Variants in DNAH14 observed in about 807,000 individuals in gnomAD.
The protein encoded by DNAH14 is axonemal beta dynein heavy chain 14.
Under a neutral mutation model 520.9 loss-of-function variants are expected in DNAH14, and 478 were observed. The ratio of observed to expected loss-of-function variants is 0.92; its 90% CI spans 0.85 to 0.99. The LOEUF is 0.99. Ranked by LOEUF, DNAH14 falls within the 50% of genes least tolerant of loss-of-function variation. The pLI is 0.00. For synonymous variants in DNAH14, 1,581 were observed against 1,757.2 expected, an observed-to-expected ratio of 0.90 and a Z score of 2.51; for missense variants, 4,831 against 5,234.5, an observed-to-expected ratio of 0.92 and a Z score of 2.38.
At chr1:225,367,699 A>T in intron 76 of DNAH14, 106 bp from the exon 77 acceptor site, 1 of 760,316 alleles carries the variant, frequency 1.3e-6, no homozygotes, top group Non-Finnish European at 2.1e-6. Flanking sequence ...GAAAATAGTT[A>T]CATTCTTGCC....
rs1211222975 is a variant in DNAH14, at chr1:225,080,577, A to T, written c.2965A>T (p.Ile989Phe). 1 of 1,552,086 alleles carries T rather than the reference A, an allele frequency of 6.4e-7. No homozygotes were observed. Among genetic ancestry groups the T allele is most frequent in the East Asian group, 2.4e-5 (1 of 40,906 alleles). Residue 989 changes from isoleucine (I) to phenylalanine (F), a missense_variant, in exon 19 of 86, where the codon ATC becomes TTC. Physicochemically the swap from Ile to Phe is conservative, Grantham distance 21. Coordinates refer to ENST00000682510, the MANE Select transcript of DNAH14 (RefSeq NM_001367479.1). ...AATTACACAGATTGTGCTTTCAGAG[A>T]TCTCTGACATTGAAGGTGACTTGAC... ...EEITQIVLSE[I>F]SDIEGDLTLR...
chr1:225,371,453 A>T (rs1265896826), intron 77 of DNAH14, among the ~76,000 whole-genome samples: 1 of 152,148 alleles, frequency 6.6e-6, no homozygotes, highest in Non-Finnish European at 1.5e-5. Context: ...ACTATCTAAA[A>T]ATAACAATGA....
chr1:225,153,812 A>G lies in DNAH14; in HGVS notation c.5259A>G (p.Lys1753=), dbSNP rs1424670751. 10 of 1,550,074 alleles carry G rather than the reference A, an allele frequency of 6.5e-6. No individual in the cohort carries two copies. Among genetic ancestry groups the G allele is most frequent in the Non-Finnish European group, 7.0e-6 (8 of 1,145,918 alleles). ...TTTTAATAATGGCTGGAACGAAGAA[A>G]CGGGAGTTTAAATGGTCAGTTGAAT... ...KIVLIMAGTK[K]REFKCDTSDS... Residue 1753 remains lysine, a synonymous_variant, in exon 34 of 86, where the codon AAA becomes AAG. Coordinates refer to ENST00000682510, the MANE Select transcript of DNAH14 (RefSeq NM_001367479.1).
At chr1:225,008,673 C>G (rs1250372110) in intron 10 of DNAH14, among the ~76,000 whole-genome samples, 1 of 146,264 alleles carries the variant, frequency 6.8e-6, no homozygotes, top group Non-Finnish European at 1.5e-5. Flanking sequence ...GATTCACCCA[C>G]CTTGGCCTCC....
At chr1:225,103,277 G>A (rs1459169175) in intron 23 of DNAH14, among the ~76,000 whole-genome samples, 1 of 152,180 alleles carries the variant, frequency 6.6e-6, no homozygotes, top group Non-Finnish European at 1.5e-5. Flanking sequence ...GTACCATGCT[G>A]TTTTGGTTAC....
At chr1:225,068,453 A>G (rs2071170161) in intron 17 of DNAH14, among the ~76,000 whole-genome samples, 1 of 152,076 alleles carries the variant, frequency 6.6e-6, no homozygotes, top group Non-Finnish European at 1.5e-5. Context: ...TTTCACTTGA[A>G]TCTTTAAATA....
At chr1:225,248,683 T>C (rs1363398525) in intron 43 of DNAH14, among the ~76,000 whole-genome samples, 1 of 151,984 alleles carries the variant, frequency 6.6e-6, no homozygotes, top group African/African-American at 2.4e-5. Context: ...AACAATGAGC[T>C]CCCTTAGCAC....
chr1:225,302,723 T>C (rs954526749), intron 56 of DNAH14, among the ~76,000 whole-genome samples: 4 of 152,188 alleles, frequency 2.6e-5, no homozygotes, highest in Admixed American at 1.3e-4. Flanking sequence ...ATCCCTTAGC[T>C]GTAGGAGTTT....
intron 8 of DNAH14, among the ~76,000 whole-genome samples, chr1:224,989,302 T>C (rs1035730340): frequency 6.6e-6 from 1 of 152,202 alleles, no homozygotes; most frequent in African/African-American, 2.4e-5. Flanking sequence ...TTTGTTAGAT[T>C]TATGTCTATT....
At chr1:225,382,464 T>C (rs1575124932) in intron 81 of DNAH14, among the ~76,000 whole-genome samples, 1 of 152,090 alleles carries the variant, frequency 6.6e-6, no homozygotes, top group East Asian at 1.9e-4. Context: ...CTCAGCACTT[T>C]TGGAGGCCAA....
chr1:225,059,176 T>TCA (rs2069616096), intron 17 of DNAH14, among the ~76,000 whole-genome samples: 2 of 152,188 alleles, frequency 1.3e-5, no homozygotes, highest in African/African-American at 2.4e-5. Context: ...TCTTTGTAGG[T>TCA]CTCCAAGGAC....
intron 52 of DNAH14, among the ~76,000 whole-genome samples, chr1:225,274,408 G>A (rs1353784468): frequency 9.9e-5 from 15 of 151,224 alleles, no homozygotes; most frequent in Admixed American, 6.6e-4. Context: ...GGGTTTCACC[G>A]TGGTCTCGAT....
At position 225,189,158 on chromosome 1, in the gene DNAH14, A is replaced by G. The variant is rs540671524; in HGVS notation, c.5671-3538A>G. Among the ~76,000 whole-genome samples the G allele has an allele frequency of 7.3e-4, 110 of 151,264 alleles. 1 individual carries two copies. The highest frequency in any genetic ancestry group is 2.6e-3 in the African/African-American group (107 of 41,290). On this transcript the variant is annotated intron_variant, in intron 37 of 85. Coordinates refer to ENST00000682510, the MANE Select transcript of DNAH14 (RefSeq NM_001367479.1). Reference sequence around the variant, plus strand: ...CTATTGTAGTGGGTTACATTGATTGATTTTCTTATGTTGAACTACCCTTGC... The same window carrying G: ...CTATTGTAGTGGGTTACATTGATTGGTTTTCTTATGTTGAACTACCCTTGC...
At chr1:225,149,326 C>G (rs1303209892) in intron 31 of DNAH14, among the ~76,000 whole-genome samples, 1 of 152,118 alleles carries the variant, frequency 6.6e-6, no homozygotes, top group Non-Finnish European at 1.5e-5. Flanking sequence ...TTGATAATAA[C>G]TGTAGCATTG....
At chr1:225,110,034 C>T (rs1330884777) in intron 23 of DNAH14, among the ~76,000 whole-genome samples, 1 of 152,060 alleles carries the variant, frequency 6.6e-6, no homozygotes, top group Non-Finnish European at 1.5e-5. Flanking sequence ...GGATGAATCC[C>T]ACTTGGTCAT....
chr1:225,322,081 CTTTCTTTTT>C (rs2094565319), intron 61 of DNAH14, among the ~76,000 whole-genome samples: 1 of 100,476 alleles, frequency 1.0e-5, no homozygotes, highest in African/African-American at 3.9e-5. Flanking sequence ...CTTTTTTTTT[CTTTCTTTTT>C]TTTTTTTTTT....
chr1:225,292,672 A>G (rs2150013027), intron 55 of DNAH14, among the ~76,000 whole-genome samples: 1 of 152,134 alleles, frequency 6.6e-6, no homozygotes, highest in East Asian at 1.9e-4. Context: ...CAACAAATCT[A>G]TAGATTGCTT....
intron 36 of DNAH14, 97 bp downstream of exon 36, chr1:225,168,125 A>G (rs2082212385): frequency 2.7e-6 from 2 of 733,950 alleles, no homozygotes; most frequent in South Asian, 3.8e-5. Flanking sequence ...GAGCTGTTAC[A>G]GGTATAATTT....
intron 27 of DNAH14, among the ~76,000 whole-genome samples, chr1:225,133,493 C>G (rs185896829): frequency 6.6e-6 from 1 of 152,144 alleles, no homozygotes; most frequent in Non-Finnish European, 1.5e-5. Flanking sequence ...ATCCTTTCCC[C>G]GTTGCTTGTT....
Sources: gnomAD v4.1 joint callset for allele counts (sites outside exome capture counted in the v4.1 genomes callset) on GRCh38, gnomAD v4.1.1 for gene constraint, MANE v1.5 for transcripts, NCBI Gene and HGNC (gene_info 2026-07-23, HGNC 2026-07-21) for gene names.